ROBO2: variants seen among roughly 807,000 people sequenced by gnomAD.
The protein encoded by ROBO2 is roundabout guidance receptor 2.
Under a neutral mutation model 160.8 loss-of-function variants are expected in ROBO2, and 53 were observed. The observed-to-expected ratio is 0.33, with a 90% CI of 0.26 to 0.41. The LOEUF (loss-of-function observed/expected upper bound fraction) is 0.41. ROBO2 is among the 10% of genes least tolerant of loss of function. ROBO2 has a pLI of 1.00. For synonymous variants in ROBO2, 664 were observed against 611.7 expected, an observed-to-expected ratio of 1.09 and a Z score of -1.26; for missense variants, 1,577 against 1,722.4, an observed-to-expected ratio of 0.92 and a Z score of 1.49.
At chr3:76,061,011 T>C (rs1274931274) in intron 2 of ROBO2, among the ~76,000 whole-genome samples, 1 of 152,144 alleles carries the variant, frequency 6.6e-6, no homozygotes, top group Non-Finnish European at 1.5e-5. Context: ...ATTGCAAAAC[T>C]CCACTCGATT....
chr3:76,924,511 T>G (rs1042267711), intron 2 of ROBO2, among the ~76,000 whole-genome samples: 1 of 152,146 alleles, frequency 6.6e-6, no homozygotes, highest in Non-Finnish European at 1.5e-5. Context: ...AAATAAACAT[T>G]TACTGTCTGT....
intron 2 of ROBO2, among the ~76,000 whole-genome samples, chr3:77,184,617 G>A (rs76148454): frequency 0.075 from 11,427 of 151,940 alleles, 489 homozygotes; most frequent in African/African-American, 0.11. Context: ...GAAAATTTCA[G>A]GATGGTGGGA....
chr3:76,124,690 G>A (rs2070896458), intron 2 of ROBO2, among the ~76,000 whole-genome samples: 1 of 151,840 alleles, frequency 6.6e-6, no homozygotes, highest in African/African-American at 2.4e-5. Flanking sequence ...ATTCAATAAA[G>A]TTACAATGAA....
chr3:76,205,150 C>A (rs920608593), intron 2 of ROBO2, among the ~76,000 whole-genome samples: 5 of 152,066 alleles, frequency 3.3e-5, no homozygotes, highest in Non-Finnish European at 5.9e-5. Context: ...ATTTTTTCCT[C>A]TAGAAAAATA....
chr3:76,336,574 G>T (rs934804344), intron 2 of ROBO2, among the ~76,000 whole-genome samples: 1 of 152,126 alleles, frequency 6.6e-6, no homozygotes, highest in Admixed American at 6.5e-5. Flanking sequence ...CAATGTTTCT[G>T]CTACTTTCTT....
At chr3:76,699,068 T>C (rs2092993077) in intron 2 of ROBO2, among the ~76,000 whole-genome samples, 1 of 152,202 alleles carries the variant, frequency 6.6e-6, no homozygotes, top group Non-Finnish European at 1.5e-5. Context: ...AATACAAATA[T>C]AACTGTAATT....
intron 2 of ROBO2, among the ~76,000 whole-genome samples, chr3:76,827,638 G>GT (rs1319920045): frequency 6.6e-6 from 1 of 152,046 alleles, no homozygotes; most frequent in Non-Finnish European, 1.5e-5. Context: ...GCAGTTCTGT[G>GT]TTTTTATCAT....
intron 2 of ROBO2, among the ~76,000 whole-genome samples, chr3:76,323,146 C>G (rs1156273337): frequency 4.1e-5 from 6 of 146,436 alleles, no homozygotes; most frequent in Non-Finnish European, 1.5e-5. Flanking sequence ...ATTACACACA[C>G]ACACACACAC....
intron 2 of ROBO2, among the ~76,000 whole-genome samples, chr3:76,341,348 G>C (rs148811168): frequency 6.8e-6 from 1 of 148,126 alleles, no homozygotes; most frequent in Non-Finnish European, 1.5e-5. Flanking sequence ...CCCCTACTAC[G>C]GGTCCAATCC....
At chr3:76,600,555 G>A (rs763107609) in intron 2 of ROBO2, among the ~76,000 whole-genome samples, 2 of 152,142 alleles carry the variant, frequency 1.3e-5, no homozygotes, top group Non-Finnish European at 2.9e-5. Flanking sequence ...GAGAGAATAA[G>A]AACCAAGTGA....
chr3:76,937,175 A>G (rs999478260), intron 2 of ROBO2, among the ~76,000 whole-genome samples: 3 of 152,214 alleles, frequency 2.0e-5, no homozygotes, highest in African/African-American at 4.8e-5. Context: ...ACTTAGTGGC[A>G]TCTAAATTAT....
chr3:76,992,363 AT>A (rs1272582714), intron 2 of ROBO2, among the ~76,000 whole-genome samples: 3 of 47,412 alleles, frequency 6.3e-5, no homozygotes, highest in East Asian at 2.7e-3. Flanking sequence ...ATATATATAT[AT>A]ATATAAATTT....
At chr3:76,699,839 T>A (rs1158420440) in intron 2 of ROBO2, among the ~76,000 whole-genome samples, 2 of 152,124 alleles carry the variant, frequency 1.3e-5, no homozygotes, top group African/African-American at 4.8e-5. Flanking sequence ...TTGTTTTATA[T>A]CTAACTCTAT....
intron 2 of ROBO2, among the ~76,000 whole-genome samples, chr3:76,829,909 C>G (rs1435957463): frequency 6.6e-6 from 1 of 152,144 alleles, no homozygotes; most frequent in Non-Finnish European, 1.5e-5. Context: ...CTCAGGTGAT[C>G]CACTCGCCTC....
intron 2 of ROBO2, among the ~76,000 whole-genome samples, chr3:76,603,339 A>AT (rs2087330999): frequency 7.4e-5 from 4 of 53,728 alleles, no homozygotes; most frequent in Admixed American, 1.9e-4. Context: ...CTCCAAAAAA[A>AT]AAAAAAAAAA....
chr3:77,613,152 A>G (rs1406396353), intron 21 of ROBO2, among the ~76,000 whole-genome samples: 1 of 152,062 alleles, frequency 6.6e-6, no homozygotes, highest in Non-Finnish European at 1.5e-5. Flanking sequence ...CCAAATTATA[A>G]CTTTTCTTAT....
At chr3:77,255,496 G>C (rs1048617390) in intron 2 of ROBO2, among the ~76,000 whole-genome samples, 1 of 152,186 alleles carries the variant, frequency 6.6e-6, no homozygotes, top group Non-Finnish European at 1.5e-5. Flanking sequence ...CTGAAGTGCT[G>C]AGAGGTAAAA....
chr3:75,954,335 A>C (rs1948653761), intron 2 of ROBO2, among the ~76,000 whole-genome samples: 1 of 151,878 alleles, frequency 6.6e-6, no homozygotes, highest in East Asian at 1.9e-4. Context: ...CCTCCAGCCA[A>C]GGGTGGGAAA....
chr3:77,290,205 A>G lies in ROBO2; in HGVS notation c.389-187209A>G, dbSNP rs535090159. Among the ~76,000 whole-genome samples the G allele has an allele frequency of 3.3e-5, 5 of 151,020 alleles. No homozygotes were observed. The South Asian group carries it at 1.1e-3, about 32-fold the overall frequency. ...AAGTAAAATTGATGGTTAAACGGGT[A>G]ATCTGAGGCTAGATCACCCCAGACA... is the stretch of plus-strand genomic sequence containing the variant. On this transcript the variant is annotated intron_variant, in intron 2 of 25. Coordinates refer to ENST00000461745, the Ensembl canonical transcript of ROBO2.
Sources: gnomAD v4.1 joint callset for allele counts (sites outside exome capture counted in the v4.1 genomes callset) on GRCh38, gnomAD v4.1.1 for gene constraint, MANE v1.5 for transcripts, NCBI Gene and HGNC (gene_info 2026-07-23, HGNC 2026-07-21) for gene names.